The following SORCS2 variants were observed in gnomAD, a reference collection of about 807,000 sequenced individuals.
SORCS2 encodes VPS10 domain-containing receptor SorCS2.
SORCS2 carries 100 observed loss-of-function variants against 141.6 expected under a neutral mutation model. That is an observed-to-expected ratio of 0.71 (90% CI 0.60 to 0.83). The LOEUF is 0.83. Among genes scored for constraint, SORCS2 ranks in the 40% least tolerant of loss-of-function variants. The pLI, the probability that SORCS2 is intolerant of heterozygous loss-of-function variation, is 0.00. For missense variants in SORCS2, 1,646 were observed against 1,560.2 expected, an observed-to-expected ratio of 1.05 and a Z score of -0.93; for synonymous variants, 789 against 676.9, an observed-to-expected ratio of 1.17 and a Z score of -2.57.
chr4:7,525,731 CCCCTCCTGCAGTCACCTGTG>C (rs1268307142), intron 2 of SORCS2, among the ~76,000 whole-genome samples: 5 of 113,652 alleles, frequency 4.4e-5, no homozygotes, highest in Non-Finnish European at 9.2e-5. Context: ...AGTCACCTGT[CCCCTCCTGCAGTCACCTGTG>C]CCCTCCTGCA....
chr4:7,277,321 C>T (rs1405337658), intron 1 of SORCS2, among the ~76,000 whole-genome samples: 1 of 152,194 alleles, frequency 6.6e-6, no homozygotes, highest in Non-Finnish European at 1.5e-5. Flanking sequence ...AAATGGTCAT[C>T]CCTATCCCCA....
chr4:7,718,337 G>A (rs1726342078), intron 18 of SORCS2, among the ~76,000 whole-genome samples, 154 bp downstream of exon 18: 1 of 152,194 alleles, frequency 6.6e-6, no homozygotes, highest in South Asian at 2.1e-4. Flanking sequence ...GAGGCAGCAG[G>A]GGGCTGGAAA....
At chr4:7,454,198 C>G (rs1362139876) in intron 2 of SORCS2, among the ~76,000 whole-genome samples, 6 of 122,862 alleles carry the variant, frequency 4.9e-5, no homozygotes, top group African/African-American at 2.0e-4. Context: ...GGGTCAGGTG[C>G]TGTGTGTTGG....
chr4:7,330,317 A>C (rs1719572684), intron 1 of SORCS2, among the ~76,000 whole-genome samples: 1 of 152,098 alleles, frequency 6.6e-6, no homozygotes, highest in African/African-American at 2.4e-5. Context: ...GAATTAGGAC[A>C]TGGACACCTT....
chr4:7,386,725 A>G (rs892186842), intron 1 of SORCS2, among the ~76,000 whole-genome samples: 5 of 111,468 alleles, frequency 4.5e-5, no homozygotes, highest in African/African-American at 1.6e-4. Context: ...ACATGCACAT[A>G]CATACACATA....
chr4:7,692,125 C>T (rs916250276), intron 11 of SORCS2, among the ~76,000 whole-genome samples: 11 of 152,202 alleles, frequency 7.2e-5, no homozygotes, highest in African/African-American at 2.7e-4. Flanking sequence ...CCATTGTTTC[C>T]AGCCTCCTCT....
At chr4:7,402,479 T>A (rs1428328167) in intron 2 of SORCS2, among the ~76,000 whole-genome samples, 1 of 152,230 alleles carries the variant, frequency 6.6e-6, no homozygotes, top group Non-Finnish European at 1.5e-5. Flanking sequence ...TTGCTTTATG[T>A]GCCCAACTTT....
intron 3 of SORCS2, among the ~76,000 whole-genome samples, chr4:7,581,401 C>G (rs1049239673): frequency 1.3e-5 from 2 of 152,102 alleles, no homozygotes; most frequent in Middle Eastern, 3.2e-3. Context: ...TTCTATTCAT[C>G]TTATTGCATA....
chr4:7,314,824 TTTTTTATTGTTGTTGTTG>T (rs1718454510), intron 1 of SORCS2, among the ~76,000 whole-genome samples: 1 of 146,342 alleles, frequency 6.8e-6, no homozygotes, highest in South Asian at 2.2e-4. Flanking sequence ...TTTTTTTTTT[TTTTTTATTGTTGTTGTTG>T]TTTTTGTTGT....
intron 1 of SORCS2, among the ~76,000 whole-genome samples, chr4:7,393,560 GT>G (rs1724004022): frequency 6.6e-6 from 1 of 152,184 alleles, no homozygotes; most frequent in African/African-American, 2.4e-5. Flanking sequence ...TGAGTGTGTA[GT>G]TTTTGGCAAA....
At chr4:7,231,190 C>A (rs1458329328) in intron 1 of SORCS2, among the ~76,000 whole-genome samples, 1 of 152,162 alleles carries the variant, frequency 6.6e-6, no homozygotes, top group African/African-American at 2.4e-5. Flanking sequence ...TGCTGTAGAG[C>A]CTGGAAGAGC....
At chr4:7,678,528 C>T (rs991428020) in intron 9 of SORCS2, among the ~76,000 whole-genome samples, 1 of 138,956 alleles carries the variant, frequency 7.2e-6, no homozygotes, top group African/African-American at 2.7e-5. Flanking sequence ...TTCCTGGAGA[C>T]ACAGCACAGG....
At chr4:7,671,979 T>A (rs963867786) in intron 8 of SORCS2, among the ~76,000 whole-genome samples, 2 of 150,074 alleles carry the variant, frequency 1.3e-5, no homozygotes, top group Admixed American at 1.3e-4. Flanking sequence ...AATCTCCCTC[T>A]GTCACCCAGG....
chr4:7,423,252 A>T (rs1726209697), intron 2 of SORCS2, among the ~76,000 whole-genome samples: 1 of 152,138 alleles, frequency 6.6e-6, no homozygotes, highest in Non-Finnish European at 1.5e-5. Context: ...TATTATTTTA[A>T]TGCAGTTTCC....
chr4:7,573,054 G>A (rs192463400), intron 3 of SORCS2, among the ~76,000 whole-genome samples: 13 of 152,304 alleles, frequency 8.5e-5, no homozygotes, highest in African/African-American at 2.4e-4. Context: ...GACAAGCTGC[G>A]TGTGTTGCTG....
At chr4:7,652,833 G>C (rs976400836) in intron 4 of SORCS2, among the ~76,000 whole-genome samples, 2 of 152,208 alleles carry the variant, frequency 1.3e-5, no homozygotes, top group African/African-American at 4.8e-5. Flanking sequence ...TGGTGGTTTT[G>C]GGCAGGGCCA....
intron 4 of SORCS2, among the ~76,000 whole-genome samples, chr4:7,647,563 G>A (rs1054103100): frequency 2.6e-5 from 4 of 152,200 alleles, no homozygotes; most frequent in East Asian, 3.9e-4. Context: ...GAGAAGGGAC[G>A]TTTGCTGCAA....
At chr4:7,463,224 GGGGCACTGC>G (rs1216682849) in intron 2 of SORCS2, among the ~76,000 whole-genome samples, 1 of 152,154 alleles carries the variant, frequency 6.6e-6, no homozygotes. Flanking sequence ...GGATTAAGAG[GGGGCACTGC>G]TGGATTTGGT....
At chr4:7,524,285 C>T (rs1215474819) in intron 2 of SORCS2, among the ~76,000 whole-genome samples, 1 of 152,136 alleles carries the variant, frequency 6.6e-6, no homozygotes. Context: ...ATCTCAGGGA[C>T]GCCTGGAGCC....
Sources: allele counts gnomAD v4.1 joint callset (sites outside exome capture counted in the v4.1 genomes callset), GRCh38; gene constraint gnomAD v4.1.1; transcripts MANE v1.5; gene names NCBI Gene and HGNC (gene_info 2026-07-23, HGNC 2026-07-21).